ATP2A1: variants seen among roughly 807,000 people sequenced by gnomAD.
The protein encoded by ATP2A1 is ATPase sarcoplasmic/endoplasmic reticulum Ca2+ transporting 1.
Under a neutral mutation model 109.5 loss-of-function variants are expected in ATP2A1, and 83 were observed. That is an observed-to-expected ratio of 0.76 (90% CI 0.63 to 0.91). The LOEUF (loss-of-function observed/expected upper bound fraction) is 0.91. ATP2A1 is among the 40% of genes least tolerant of loss of function. The pLI is 0.00. For missense variants in ATP2A1, 1,101 were observed against 1,341.0 expected (o/e 0.82, Z 2.80); for synonymous variants, 505 against 537.6 (o/e 0.94, Z 0.84).
At chr16:28,887,852 G>A in intron 8 of ATP2A1, 130 bp downstream of exon 8, 1 of 1,200,178 alleles carries the variant, frequency 8.3e-7, no homozygotes, top group East Asian at 2.4e-5. Flanking sequence ...CCAGGCTGGA[G>A]TGCAGTGGCG....
In ATP2A1 at chr16:28,903,189, G is replaced by C. The variant is rs1451042220; in HGVS notation, c.2862+42G>C. 4 of 1,607,416 alleles carry C rather than the reference G, an allele frequency of 2.5e-6. No homozygotes were observed. The highest frequency in any genetic ancestry group is 2.6e-6 in the Non-Finnish European group (3 of 1,174,868). On this transcript the variant is annotated intron_variant, in intron 20 of 22. Coordinates refer to ENST00000395503, the MANE Select transcript of ATP2A1 (RefSeq NM_004320.6). The surrounding 1 kb of genome is among the most constrained non-coding windows in gnomAD (Gnocchi z 5.6). ...CCAGGGCCGCCCACCCCAGCACTGG[G>C]GAGCCCACGGCGGGCCCATGACCAC... is the stretch of plus-strand genomic sequence containing the variant.
chr16:28,900,655 G>A lies in ATP2A1; in HGVS notation c.1839G>A (p.Leu613=), dbSNP rs2152213419. 1 of 1,608,946 alleles carries A rather than the reference G, an allele frequency of 6.2e-7. No individual in the cohort carries two copies. Among genetic ancestry groups the A allele is most frequent in the Non-Finnish European group, 8.5e-7 (1 of 1,176,172 alleles). ...AGGAGGTCACGGGCTCCATCCAGCT[G>A]TGCCGTGACGCCGGGATCCGGGTGA... ...PRKEVTGSIQ[L]CRDAGIRVIM... The change falls in exon 15 of 23, where the codon CTG becomes CTA. Residue 613 remains leucine, a synonymous_variant. Coordinates refer to ENST00000395503, the MANE Select transcript of ATP2A1 (RefSeq NM_004320.6).
rs760456828 is a variant in ATP2A1, at chr16:28,879,473, G to A, written c.137-28G>A. The A allele has an allele frequency of 5.0e-6, 8 of 1,605,318 alleles. No individual in the cohort carries two copies. In the East Asian group the frequency reaches 1.6e-4, roughly 31 times the overall value. The stretch of plus-strand genomic sequence containing the variant: ...ACCTTCACCCACTAGACCTTAACCC[G>A]GGGCCCTCCCCTTGCCTCCTCCCCC... On this transcript the variant is annotated intron_variant, in intron 2 of 22. Transcript: ENST00000395503.
intron 4 of ATP2A1, 100 bp from the exon 5 acceptor site, chr16:28,882,351 T>A (rs1963511055): frequency 6.5e-7 from 1 of 1,548,506 alleles, no homozygotes; most frequent in Admixed American, 1.7e-5. Flanking sequence ...CACACACCCC[T>A]GCCTGTGTGG....
intron 8 of ATP2A1, among the ~76,000 whole-genome samples, 159 bp from the exon 9 acceptor site, chr16:28,888,628 C>T (rs992823274): frequency 2.0e-5 from 3 of 152,112 alleles, no homozygotes; most frequent in South Asian, 4.2e-4. Flanking sequence ...TGGTCTCAAA[C>T]TCCTGGCCTC....
At chr16:28,881,877 G>A (rs1220466021) in intron 4 of ATP2A1, among the ~76,000 whole-genome samples, 1 of 151,460 alleles carries the variant, frequency 6.6e-6, no homozygotes, top group Non-Finnish European at 1.5e-5. Context: ...ACCTGTGTCT[G>A]TGGTGCTGAC....
Position 28,903,462 on chromosome 16 carries a change from C to T in ATP2A1, c.2980+22C>T, listed in dbSNP as rs369864398. 127 of 1,596,012 alleles carry T rather than the reference C, an allele frequency of 8.0e-5. No individual in the cohort carries two copies. Among genetic ancestry groups the T allele is most frequent in the Non-Finnish European group, 1.0e-4 (118 of 1,164,056 alleles). On this transcript the variant is annotated intron_variant, in intron 21 of 22. Transcript: ENST00000395503. The surrounding 1 kb of genome is among the most constrained non-coding windows in gnomAD (Gnocchi z 5.6). ...GAGGGTAAGGAGTGCCCTCTCTGTCCCAAGCCCTGGCCCCACCACAGCCCC... is the reference window on the plus strand; with the variant it reads ...GAGGGTAAGGAGTGCCCTCTCTGTCTCAAGCCCTGGCCCCACCACAGCCCC...
chr16:28,900,441 C>A (rs991631293), intron 14 of ATP2A1, 140 bp from the exon 15 acceptor site: 25 of 807,476 alleles, frequency 3.1e-5, no homozygotes. Context: ...GGCCCTGAGG[C>A]GGCAAGCCCA....
At chr16:28,901,364 G>A (rs1329655442) in intron 15 of ATP2A1, among the ~76,000 whole-genome samples, 1 of 150,910 alleles carries the variant, frequency 6.6e-6, no homozygotes, top group Non-Finnish European at 1.5e-5. Flanking sequence ...GGGCGGAGGG[G>A]CTCATGCCTG....
chr16:28,879,397 C>G (rs1963383317), intron 2 of ATP2A1, 104 bp from the exon 3 acceptor site: 1 of 1,130,024 alleles, frequency 8.8e-7, no homozygotes, highest in Admixed American at 1.7e-5. Flanking sequence ...GTCTGCCCAC[C>G]ACCCTAGAGC....
rs901558431 is a variant in ATP2A1, at chr16:28,903,607, A to G, written c.2981-93A>G. On this transcript the variant is annotated intron_variant, in intron 21 of 22. Transcript: ENST00000395503. The surrounding 1 kb of genome is among the most constrained non-coding windows in gnomAD (Gnocchi z 5.6). ...CCTGCAGGGGCCACATCTCCGGGGC[A>G]GCCCCACTGCCTCCTCAGCCCCCAC... 6.7e-6 allele frequency: 8 copies of G among 1,201,160 alleles called. No homozygotes were observed. Among genetic ancestry groups the G allele is most frequent in the Admixed American group, 1.7e-5 (1 of 59,064 alleles). 74.4% of individuals were successfully genotyped at this position (1,201,160 alleles called of 1,614,324 possible). A position where few individuals can be genotyped will look rare whatever the true frequency, so the allele number is the denominator to read the frequency against.
chr16:28,881,335 T>C (rs1277361928), intron 4 of ATP2A1: 5 of 433,154 alleles, frequency 1.2e-5, no homozygotes, highest in South Asian at 1.0e-4. Flanking sequence ...AGGAATTCAA[T>C]AGACGCTAGC....
In ATP2A1 at chr16:28,898,560, T is replaced by C; in HGVS notation, c.1764+109T>C. On this transcript the variant is annotated intron_variant, in intron 14 of 22. Transcript: ENST00000395503. The surrounding 1 kb of genome is among the most constrained non-coding windows in gnomAD (Gnocchi z 4.0). ...TCATTTCCTACCTCGTCAGTCAAGT[T>C]GATGGCTCCTTAGTACAGGCCATGG... 2.4e-6 allele frequency: 3 copies of C among 1,272,710 alleles called. No individual in the cohort carries two copies. Among genetic ancestry groups the C allele is most frequent in the Non-Finnish European group, 2.2e-6 (2 of 904,598 alleles). 78.8% of individuals were successfully genotyped at this position (1,272,710 alleles called of 1,614,324 possible). A position where few individuals can be genotyped will look rare whatever the true frequency, so the allele number is the denominator to read the frequency against.
rs1370847135 is a variant in ATP2A1 at position 28,903,489 on chromosome 16, T to C, written c.2980+49T>C. 4.6e-6 allele frequency: 7 copies of C among 1,525,504 alleles called. No homozygotes were observed. Among genetic ancestry groups the C allele is most frequent in the Non-Finnish European group, 5.4e-6 (6 of 1,101,380 alleles). 94.5% of individuals were successfully genotyped at this position (1,525,504 alleles called of 1,614,324 possible). On this transcript the variant is annotated intron_variant, in intron 21 of 22. Transcript: ENST00000395503. This position sits in a 1 kb window ranked among gnomAD's most constrained non-coding sequence, Gnocchi z 5.6. ...AAGCCCTGGCCCCACCACAGCCCCT[T>C]CCCCATGACGCCGCCCCCGCCCCGC... is the stretch of plus-strand genomic sequence containing the variant.
chr16:28,895,255 T>C (rs545513756), intron 12 of ATP2A1, among the ~76,000 whole-genome samples: 1 of 152,210 alleles, frequency 6.6e-6, no homozygotes, highest in Non-Finnish European at 1.5e-5. Context: ...CCCAACTTCA[T>C]CTGTTATTCC....
At chr16:28,894,424 C>A in intron 10 of ATP2A1, 81 bp from the exon 11 acceptor site, 1 of 1,414,700 alleles carries the variant, frequency 7.1e-7, no homozygotes, top group Non-Finnish European at 9.8e-7. Context: ...CTGCTGCCTG[C>A]TCTTCCTGTG....
chr16:28,898,463 G>A lies in ATP2A1; in HGVS notation c.1764+12G>A, dbSNP rs1288953542. On this transcript the variant is annotated intron_variant, in intron 14 of 22. Transcript: ENST00000395503. The surrounding 1 kb of genome is among the most constrained non-coding windows in gnomAD (Gnocchi z 4.0). ...TCCTGGAGTATGAGGTAAGCAGCTG[G>A]GAGCCTCCCACTGTCGTGGAGCTGG... 6.2e-7 allele frequency: 1 copy of A among 1,611,336 alleles called. No individual in the cohort carries two copies. Among genetic ancestry groups the A allele is most frequent in the African/African-American group, 1.3e-5 (1 of 74,872 alleles).
intron 9 of ATP2A1, chr16:28,892,388 G>C: frequency 2.6e-6 from 1 of 386,934 alleles, no homozygotes; most frequent in Non-Finnish European, 5.2e-6. Context: ...CCATGAACTA[G>C]AAATTGCTGT....
At chr16:28,885,138 A>G (rs1963582927) in intron 6 of ATP2A1, among the ~76,000 whole-genome samples, 1 of 151,638 alleles carries the variant, frequency 6.6e-6, no homozygotes, top group African/African-American at 2.4e-5. Flanking sequence ...AGTCCCAGCT[A>G]CTCAGGAGGC....
Sources: gnomAD v4.1 joint callset for allele counts (sites outside exome capture counted in the v4.1 genomes callset) on GRCh38, gnomAD v4.1.1 for gene constraint, Gnocchi (gnomAD v3.1) non-coding constraint, MANE v1.5 for transcripts, NCBI Gene and HGNC (gene_info 2026-07-23, HGNC 2026-07-21) for gene names.